The following PIN4 variants were observed in gnomAD, a reference collection of about 807,000 sequenced individuals.
The protein encoded by PIN4 is peptidyl-prolyl cis-trans isomerase NIMA-interacting 4.
PIN4 carries 3 observed loss-of-function variants against 8.3 expected under a neutral mutation model. The observed-to-expected ratio is 0.36, with a 90% CI of 0.16 to 0.93. The LOEUF is 0.93. Among genes scored for constraint, PIN4 ranks in the 40% least tolerant of loss-of-function variants. The probability of loss-of-function intolerance (pLI) is 0.44; values close to 1 mark genes in which losing one functional copy is unlikely to be tolerated. For synonymous variants in PIN4, 18 were observed against 32.5 expected (o/e 0.55, Z 1.52); for missense variants, 75 against 100.6 (o/e 0.75, Z 1.09).
At chrX:72,242,195 C>T (rs1318357761) in intron 3 of PIN4, among the ~76,000 whole-genome samples, 1 of 112,415 alleles carries the variant, frequency 8.9e-6, no homozygotes, top group Non-Finnish European at 1.9e-5. Flanking sequence ...CCCCGGCTAC[C>T]TCCTCTCTGC....
In PIN4 at chrX:72,197,122, A is replaced by G. The variant is rs146594689; in HGVS notation, c.237+218A>G. ...GTAAATAGTAGAATAAGGGTCATCT[A>G]TGTCAAAACCTATGCATGACCAAAC... On this transcript the variant is annotated intron_variant, in intron 3 of 3. Transcript: ENST00000373669. The G allele has an allele frequency of 2.3e-4, 106 of 454,390 alleles. 2 individuals are homozygous for G. The highest frequency in any genetic ancestry group is 2.1e-3 in the African/African-American group (85 of 40,917). 37.4% of individuals were successfully genotyped at this position (454,390 alleles called of 1,213,427 possible).
chrX:72,210,057 A>T (rs1182910730), intron 3 of PIN4, among the ~76,000 whole-genome samples: 1 of 108,848 alleles, frequency 9.2e-6, no homozygotes, highest in Non-Finnish European at 1.9e-5. Context: ...CACACAAGCA[A>T]CCAGAGGGGG....
At chrX:72,250,577 G>C (rs1221790672) in intron 3 of PIN4, among the ~76,000 whole-genome samples, 2 of 110,800 alleles carry the variant, frequency 1.8e-5, no homozygotes, top group Admixed American at 1.9e-4. Flanking sequence ...AGCTAGGCAT[G>C]GTAGCTCACA....
intron 3 of PIN4, chrX:72,237,725 C>A (rs1188544121): frequency 9.0e-6 from 1 of 111,064 alleles, no homozygotes. Flanking sequence ...TTAGAGATCG[C>A]GCCACTGCAC....
chrX:72,195,636 G>A (rs2042760709), intron 2 of PIN4, among the ~76,000 whole-genome samples: 1 of 110,080 alleles, frequency 9.1e-6, no homozygotes, highest in Non-Finnish European at 1.9e-5. Context: ...CGGAGACTCT[G>A]TCTCAAAAAA....
chrX:72,258,326 C>T (rs1299269946), intron 3 of PIN4, among the ~76,000 whole-genome samples: 2 of 111,758 alleles, frequency 1.8e-5, no homozygotes, highest in East Asian at 2.8e-4. Flanking sequence ...CCCAGCATGC[C>T]GAGGAGTTAC....
intron 3 of PIN4, among the ~76,000 whole-genome samples, chrX:72,215,288 C>A (rs774391098): frequency 9.0e-6 from 1 of 111,569 alleles, no homozygotes; most frequent in Non-Finnish European, 1.9e-5. Flanking sequence ...TATTCTATAT[C>A]CTGATAGGGG....
At chrX:72,201,340 C>T (rs1363414703), downstream of PIN4, among the ~76,000 whole-genome samples, 1 of 112,462 alleles carries the variant, frequency 8.9e-6, no homozygotes, top group Non-Finnish European at 1.9e-5. Context: ...GTAATCCATC[C>T]CAGTTCTTTG....
intron 3 of PIN4, among the ~76,000 whole-genome samples, chrX:72,233,716 C>T (rs927226273): frequency 7.4e-5 from 5 of 67,930 alleles, no homozygotes; most frequent in Admixed American, 1.6e-4. Flanking sequence ...TGCAAGACTC[C>T]GTCTCAAAAA....
chrX:72,227,189 C>T (rs2042958587), intron 3 of PIN4, among the ~76,000 whole-genome samples: 1 of 111,844 alleles, frequency 8.9e-6, no homozygotes, highest in African/African-American at 3.3e-5. Context: ...AAATGGGCTT[C>T]TACTGTCACC....
intron 2 of PIN4, among the ~76,000 whole-genome samples, chrX:72,192,997 C>CA (rs2042743927): frequency 9.0e-6 from 1 of 111,285 alleles, no homozygotes; most frequent in Non-Finnish European, 1.9e-5. Context: ...ATTTTCATCT[C>CA]CTTCCTGGTA....
intron 2 of PIN4, among the ~76,000 whole-genome samples, chrX:72,190,036 C>T (rs2042723635): frequency 9.0e-6 from 1 of 110,973 alleles, no homozygotes; most frequent in South Asian, 3.8e-4. Flanking sequence ...CCCTCCTTCC[C>T]CTTCCCTTCC....
intron 1 of PIN4, among the ~76,000 whole-genome samples, chrX:72,182,123 A>G (rs767281981): frequency 8.9e-6 from 1 of 112,717 alleles, no homozygotes; most frequent in East Asian, 2.8e-4. Flanking sequence ...GGAAGTACAC[A>G]TTGGTTATGG....
chrX:72,186,390 G>A lies in PIN4; in HGVS notation c.44-71G>A, dbSNP rs768656143. Reference sequence around the variant, plus strand: ...CGTTATGATGGAAATATCCACTCCGGTTGTGTGTTGGACCTTTCTGTAAAC... The same window carrying A: ...CGTTATGATGGAAATATCCACTCCGATTGTGTGTTGGACCTTTCTGTAAAC... On this transcript the variant is annotated intron_variant, in intron 1 of 3. Transcript: ENST00000373669. 20 of 699,459 alleles carry A rather than the reference G, an allele frequency of 2.9e-5. No individual in the cohort carries two copies. The Admixed American group carries it at 4.8e-4, about 17-fold the overall frequency. The allele number at this position is 699,459 out of a possible 1,213,427, so 57.6% of individuals were successfully genotyped here.
chrX:72,193,225 C>T (rs887750245), intron 2 of PIN4, among the ~76,000 whole-genome samples: 1 of 111,191 alleles, frequency 9.0e-6, no homozygotes, highest in Non-Finnish European at 1.9e-5. Context: ...TCTGTGACCA[C>T]GAATGCAGTG....
intron 3 of PIN4, among the ~76,000 whole-genome samples, chrX:72,235,555 C>T (rs1339803090): frequency 3.6e-5 from 4 of 110,768 alleles, no homozygotes; most frequent in African/African-American, 1.3e-4. Context: ...ACCACCACGT[C>T]CAGCTTATTT....
intron 3 of PIN4, among the ~76,000 whole-genome samples, chrX:72,234,965 A>G (rs946241137): frequency 3.6e-5 from 4 of 111,781 alleles, no homozygotes; most frequent in African/African-American, 1.3e-4. Flanking sequence ...GGCCTGCTTG[A>G]CATCGATATT....
At chrX:72,182,499 G>A (rs192117758) in intron 1 of PIN4, among the ~76,000 whole-genome samples, 1 of 109,803 alleles carries the variant, frequency 9.1e-6, no homozygotes, top group East Asian at 2.8e-4. Context: ...AACCGAGATC[G>A]CGCCACTGCA....
chrX:72,245,710 G>A (rs1177379089), intron 3 of PIN4, among the ~76,000 whole-genome samples: 1 of 111,725 alleles, frequency 9.0e-6, no homozygotes, highest in Non-Finnish European at 1.9e-5. Context: ...CCTAAGAATG[G>A]CAGCTGGCCT....
Sources: allele counts gnomAD v4.1 joint callset (sites outside exome capture counted in the v4.1 genomes callset), GRCh38; gene constraint gnomAD v4.1.1; transcripts MANE v1.5; gene names NCBI Gene and HGNC (gene_info 2026-07-23, HGNC 2026-07-21).